TMEM30A: variants seen among roughly 807,000 people sequenced by gnomAD.
TMEM30A encodes the protein cell cycle control protein 50A.
A neutral mutation model predicts 38.2 loss-of-function variants in TMEM30A; 24 were observed. The ratio of observed to expected loss-of-function variants is 0.63; its 90% CI spans 0.46 to 0.88. TMEM30A has a LOEUF of 0.88. Among genes scored for constraint, TMEM30A ranks in the 40% least tolerant of loss-of-function variants. TMEM30A has a pLI of 0.00. For missense variants in TMEM30A, 370 were observed against 458.6 expected (o/e 0.81, Z 1.77); for synonymous variants, 145 against 161.6 (o/e 0.90, Z 0.78).
chr6:75,284,635 C>T lies in TMEM30A; in HGVS notation c.4G>A (p.Ala2Thr), dbSNP rs1380853667. M[A>T]MNYNAKDEVD... The stretch of plus-strand genomic sequence containing the variant: ...TCATCCTTCGCGTTATAGTTCATCG[C>T]CATCGATCCCTGGGGCGCCGCTCCG... The change falls in exon 1 of 7, where the codon GCG becomes ACG. Residue 2 changes from alanine to threonine, a missense_variant. Physicochemically the swap from Ala to Thr is moderately conservative, Grantham distance 58. Transcript: ENST00000230461. 1.2e-6 allele frequency: 2 copies of T among 1,612,856 alleles called. No individual in the cohort carries two copies. Among genetic ancestry groups the T allele is most frequent in the East Asian group, 2.2e-5 (1 of 44,840 alleles).
At chr6:75,260,306 T>A (rs1463553444) in intron 4 of TMEM30A, among the ~76,000 whole-genome samples, 4 of 151,856 alleles carry the variant, frequency 2.6e-5, no homozygotes, top group Non-Finnish European at 1.5e-5. Flanking sequence ...CAGGGGAAGC[T>A]GAGGCAAGAG....
intron 2 of TMEM30A, 146 bp from the exon 3 acceptor site, chr6:75,265,484 C>A: frequency 2.4e-6 from 1 of 418,596 alleles, no homozygotes; most frequent in Non-Finnish European, 4.3e-6. Flanking sequence ...CAGTACTTAG[C>A]AATCTAAAAT....
In TMEM30A at chr6:75,259,463, T is replaced by C; in HGVS notation, c.569A>G (p.Asn190Ser). 4 of 1,607,408 alleles carry C rather than the reference T, an allele frequency of 2.5e-6. No homozygotes were observed. Among genetic ancestry groups the C allele is most frequent in the Admixed American group, 1.7e-5 (1 of 58,448 alleles). The change falls in exon 5 of 7, where the codon AAT (asparagine) becomes AGT (serine). Residue 190 changes from asparagine (N) to serine (S), a missense_variant. By Grantham distance (46) the Asn-to-Ser change is conservative (BLOSUM62 1). Transcript: ENST00000230461. ...AGCGATAGGTATAGGATAAGAATCA[T>C]TGCCAATGAGAAACAATTCTAATGT... is the stretch of plus-strand genomic sequence containing the variant. Reference protein sequence around the residue: ...NDTLELFLIGNDSYPIPIALK... With the variant: ...NDTLELFLIGSDSYPIPIALK...
At chr6:75,268,432 T>C (rs906128156) in intron 1 of TMEM30A, among the ~76,000 whole-genome samples, 3 of 152,210 alleles carry the variant, frequency 2.0e-5, no homozygotes, top group Non-Finnish European at 4.4e-5. Context: ...GCTAAAAATT[T>C]AGTTCAATCA....
At chr6:75,260,367 C>G (rs922484478) in intron 4 of TMEM30A, among the ~76,000 whole-genome samples, 1 of 151,848 alleles carries the variant, frequency 6.6e-6, no homozygotes, top group African/African-American at 2.4e-5. Flanking sequence ...CGTCGCGCCA[C>G]TGCACTCCAG....
chr6:75,261,234 A>C (rs1271304906), intron 3 of TMEM30A, among the ~76,000 whole-genome samples: 1 of 152,224 alleles, frequency 6.6e-6, no homozygotes, highest in Non-Finnish European at 1.5e-5. Flanking sequence ...AAAATTAAGA[A>C]ATGGTCTATT....
intron 4 of TMEM30A, among the ~76,000 whole-genome samples, chr6:75,260,054 T>G (rs1399361630): frequency 6.6e-6 from 1 of 152,216 alleles, no homozygotes; most frequent in Non-Finnish European, 1.5e-5. Context: ...TAAAACATAT[T>G]GCTAAAATTA....
chr6:75,284,790 G>A lies in TMEM30A; in HGVS notation c.-152C>T. 2 of 733,560 alleles carry A rather than the reference G, an allele frequency of 2.7e-6. No homozygotes were observed. The highest frequency in any genetic ancestry group is 4.6e-6 in the Non-Finnish European group (2 of 430,588). The allele number at this position is 733,560 out of a possible 1,614,324, so 45.4% of individuals were successfully genotyped here. A position where few individuals can be genotyped will look rare whatever the true frequency, so the allele number is the denominator to read the frequency against. On this transcript the variant is annotated 5_prime_UTR_variant, in exon 1 of 7. Transcript: ENST00000230461. ...CAGCCACCTCCGCTGTAGAGCGGAA[G>A]AGGCGGGACACTCTTCCGCCAAAGG...
At chr6:75,263,849 A>T (rs1772015528) in intron 3 of TMEM30A, among the ~76,000 whole-genome samples, 1 of 152,218 alleles carries the variant, frequency 6.6e-6, no homozygotes, top group Admixed American at 6.5e-5. Flanking sequence ...TACAGTTTGG[A>T]AGAAAAGAAT....
At chr6:75,276,465 T>C (rs1234315646) in intron 1 of TMEM30A, among the ~76,000 whole-genome samples, 1 of 152,210 alleles carries the variant, frequency 6.6e-6, no homozygotes, top group Non-Finnish European at 1.5e-5. Context: ...TCCTAGTAGA[T>C]AGTGCCAGAA....
At position 75,284,785 on chromosome 6, in the gene TMEM30A, C is replaced by A. The variant is rs1772440827; in HGVS notation, c.-147G>T. ...CGCCACAGCCACCTCCGCTGTAGAG[C>A]GGAAGAGGCGGGACACTCTTCCGCC... On this transcript the variant is annotated 5_prime_UTR_variant, in exon 1 of 7. Transcript: ENST00000230461. 4.0e-6 allele frequency: 3 copies of A among 749,418 alleles called. No homozygotes were observed. The highest frequency in any genetic ancestry group is 4.5e-5 in the Admixed American group (2 of 44,908). 46.4% of individuals were successfully genotyped at this position (749,418 alleles called of 1,614,324 possible). A position where few individuals can be genotyped will look rare whatever the true frequency, so the allele number is the denominator to read the frequency against.
At chr6:75,276,082 A>G (rs1772254888) in intron 1 of TMEM30A, among the ~76,000 whole-genome samples, 1 of 152,210 alleles carries the variant, frequency 6.6e-6, no homozygotes, top group African/African-American at 2.4e-5. Context: ...TGAAAACTCA[A>G]AAAGACAGGG....
intron 1 of TMEM30A, among the ~76,000 whole-genome samples, chr6:75,280,309 G>A (rs1772335858): frequency 6.6e-6 from 1 of 152,070 alleles, no homozygotes; most frequent in Non-Finnish European, 1.5e-5. Context: ...TCTAAGTCAT[G>A]GGCAGGCAAT....
In TMEM30A at chr6:75,259,490, T is replaced by C; in HGVS notation, c.542A>G (p.Asp181Gly). 2.5e-6 allele frequency: 4 copies of C among 1,592,792 alleles called. No homozygotes were observed. The highest frequency in any genetic ancestry group is 3.4e-6 in the Non-Finnish European group (4 of 1,171,692). The change falls in exon 5 of 7, where the codon GAT (aspartate) becomes GGT (glycine). Residue 181 changes from aspartate (D) to glycine (G), a missense_variant and splice_region_variant. Asp to Gly is a moderately conservative substitution (Grantham distance 94). Transcript: ENST00000230461. ...GCCAATGAGAAACAATTCTAATGTA[T>C]CTAAACACAAGCAAAGAAAGACATT... The part of the protein sequence containing the change: ...CGAIANSMFN[D>G]TLELFLIGND...
chr6:75,268,667 T>C (rs1772113253), intron 1 of TMEM30A, among the ~76,000 whole-genome samples: 1 of 152,158 alleles, frequency 6.6e-6, no homozygotes, highest in Non-Finnish European at 1.5e-5. Context: ...AGCCAGTTGG[T>C]CAGAAATATG....
At chr6:75,262,793 G>A (rs186692484) in intron 3 of TMEM30A, among the ~76,000 whole-genome samples, 1 of 152,302 alleles carries the variant, frequency 6.6e-6, no homozygotes, top group East Asian at 1.9e-4. Flanking sequence ...ATGTAACAGG[G>A]GAAGCAGACC....
intron 1 of TMEM30A, among the ~76,000 whole-genome samples, chr6:75,283,128 T>C (rs556243741): frequency 1.6e-4 from 24 of 152,238 alleles, no homozygotes; most frequent in Admixed American, 6.5e-5. Context: ...AGTTATTCTA[T>C]AGATACTATT....
intron 6 of TMEM30A, 147 bp from the exon 7 acceptor site, chr6:75,256,442 A>C: frequency 1.6e-6 from 1 of 639,476 alleles, no homozygotes; most frequent in African/African-American, 1.8e-5. Flanking sequence ...AATCACACAC[A>C]CACACACACA....
intron 3 of TMEM30A, among the ~76,000 whole-genome samples, chr6:75,263,987 G>A (rs1772017435): frequency 6.6e-6 from 1 of 152,182 alleles, no homozygotes; most frequent in African/African-American, 2.4e-5. Context: ...CATTCAGAAA[G>A]GTCTAGAAAC....
Sources: gnomAD v4.1 joint callset for allele counts (sites outside exome capture counted in the v4.1 genomes callset) on GRCh38, gnomAD v4.1.1 for gene constraint, MANE v1.5 for transcripts, NCBI Gene and HGNC (gene_info 2026-07-23, HGNC 2026-07-21) for gene names.